CENPP: variants seen among roughly 807,000 people sequenced by gnomAD.
CENPP encodes centromere protein P.
CENPP carries 24 observed loss-of-function variants against 35.6 expected under a neutral mutation model. The ratio of observed to expected loss-of-function variants is 0.67; its 90% CI spans 0.49 to 0.95. The LOEUF is 0.95. CENPP is among the 40% of genes least tolerant of loss of function. CENPP has a pLI of 0.00. For missense variants in CENPP, 332 were observed against 345.3 expected, an observed-to-expected ratio of 0.96 and a Z score of 0.31; for synonymous variants, 120 against 125.5, an observed-to-expected ratio of 0.96 and a Z score of 0.29.
chr9:92,358,172 C>G (rs1176150022), intron 4 of CENPP, among the ~76,000 whole-genome samples: 1 of 135,288 alleles, frequency 7.4e-6, no homozygotes, highest in South Asian at 2.3e-4. Flanking sequence ...TTTTTTTTTT[C>G]TGAGACTCCT....
chr9:92,435,911 A>G lies in CENPP; in HGVS notation c.564+56052A>G, dbSNP rs141383394. Among the ~76,000 whole-genome samples, 38 of 152,284 alleles carry G rather than the reference A, an allele frequency of 2.5e-4. 1 individual carries two copies. In the East Asian group the frequency reaches 5.8e-3, roughly 23 times the overall value. ...TGTGTCAACATGAGTCTTCATTTCT[A>G]TGGGGTACATGCCCAGAGTATAATT... On this transcript the variant is annotated intron_variant, in intron 5 of 7. Coordinates refer to ENST00000375587, the MANE Select transcript of CENPP (RefSeq NM_001012267.3).
rs1339726282 is a variant in CENPP, at chr9:92,389,652, TTATGTATTTTAACTGAGA to T, written c.564+9798_564+9815del. On this transcript the variant is annotated intron_variant, in intron 5 of 7. Transcript: ENST00000375587. ...ATAGTCCCATGAAATAAAATAAAGG[TTATGTATTTTAACTGAGA>T]TATGGGTATAAGCTAGGCTGAATGA... The T allele has an allele frequency of 7.0e-6, 3 of 429,558 alleles. No individual in the cohort carries two copies. In the East Asian group the frequency reaches 1.1e-4, roughly 16 times the overall value. The allele number at this position is 429,558 out of a possible 1,614,324, so 26.6% of individuals were successfully genotyped here. A position where few individuals can be genotyped will look rare whatever the true frequency, so the allele number is the denominator to read the frequency against.
At chr9:92,436,393 A>G (rs1844247021) in intron 5 of CENPP, among the ~76,000 whole-genome samples, 1 of 152,166 alleles carries the variant, frequency 6.6e-6, no homozygotes, top group Admixed American at 6.5e-5. Context: ...ACAGAGCAAA[A>G]GTTTTAAATT....
At chr9:92,468,281 G>A (rs534926508) in intron 5 of CENPP, among the ~76,000 whole-genome samples, 104 of 152,338 alleles carry the variant, frequency 6.8e-4, no homozygotes, top group Non-Finnish European at 1.1e-3. Flanking sequence ...GGTAAGAGCC[G>A]CGCCACATGG....
chr9:92,602,785 A>T (rs1274488939), intron 5 of CENPP, among the ~76,000 whole-genome samples: 1 of 151,098 alleles, frequency 6.6e-6, no homozygotes, highest in Non-Finnish European at 1.5e-5. Flanking sequence ...GCAGCTTCTC[A>T]TTCTCCTCGT....
chr9:92,549,524 G>A (rs745319611), intron 5 of CENPP, among the ~76,000 whole-genome samples: 2 of 152,006 alleles, frequency 1.3e-5, no homozygotes, highest in African/African-American at 2.4e-5. Context: ...GCACACGCCT[G>A]TAGTCCCAGC....
chr9:92,570,823 A>G (rs965289418), intron 5 of CENPP, among the ~76,000 whole-genome samples: 1 of 152,366 alleles, frequency 6.6e-6, no homozygotes, highest in Non-Finnish European at 1.5e-5. Flanking sequence ...GTATGTGTCC[A>G]GGAATTTATC....
intron 5 of CENPP, among the ~76,000 whole-genome samples, chr9:92,556,302 C>T (rs1849722856): frequency 1.3e-5 from 2 of 152,022 alleles, no homozygotes; most frequent in Admixed American, 6.6e-5. Context: ...CATTTTATGG[C>T]CTATCATATG....
chr9:92,336,175 A>G lies in CENPP; in HGVS notation c.290-1366A>G, dbSNP rs190543315. Among the ~76,000 whole-genome samples the G allele has an allele frequency of 5.9e-5, 9 of 151,998 alleles. No individual in the cohort carries two copies. In the East Asian group the frequency reaches 1.2e-3, roughly 20 times the overall value. ...TGTTCTTCAATCTCTTTTTTTTCTGATAGTTTCCTCTTGATGACATTCCTG... is the reference window on the plus strand; with the variant it reads ...TGTTCTTCAATCTCTTTTTTTTCTGGTAGTTTCCTCTTGATGACATTCCTG... On this transcript the variant is annotated intron_variant, in intron 2 of 7. Coordinates refer to ENST00000375587, the MANE Select transcript of CENPP (RefSeq NM_001012267.3).
At chr9:92,410,395 A>G (rs1219862890) in intron 5 of CENPP, among the ~76,000 whole-genome samples, 1 of 152,184 alleles carries the variant, frequency 6.6e-6, no homozygotes, top group African/African-American at 2.4e-5. Context: ...GAGCCAGAGC[A>G]GAGTTGAACT....
chr9:92,586,377 G>A (rs1850541820), intron 5 of CENPP, among the ~76,000 whole-genome samples: 1 of 152,090 alleles, frequency 6.6e-6, no homozygotes, highest in African/African-American at 2.4e-5. Context: ...TACTACCCCT[G>A]CCTGCCTGGG....
intron 5 of CENPP, among the ~76,000 whole-genome samples, chr9:92,383,120 A>G (rs150633187): frequency 0.038 from 5,791 of 151,014 alleles, 157 homozygotes; most frequent in Non-Finnish European, 0.06. Context: ...CTGGTCTCGA[A>G]CTCCTGACCT....
At chr9:92,415,726 C>A (rs1258167011) in intron 5 of CENPP, among the ~76,000 whole-genome samples, 4 of 147,196 alleles carry the variant, frequency 2.7e-5, no homozygotes, top group Non-Finnish European at 6.0e-5. Flanking sequence ...AGAACAATCT[C>A]AAAAAAAAAT....
At chr9:92,511,092 C>G (rs1847307667) in intron 5 of CENPP, among the ~76,000 whole-genome samples, 1 of 152,142 alleles carries the variant, frequency 6.6e-6, no homozygotes, top group Non-Finnish European at 1.5e-5. Flanking sequence ...CCCCTTTTCT[C>G]TTGGCTCTGA....
intron 4 of CENPP, among the ~76,000 whole-genome samples, chr9:92,357,501 A>G (rs867451884): frequency 1.6e-5 from 2 of 121,300 alleles, no homozygotes; most frequent in African/African-American, 3.7e-5. Context: ...TATTATTATT[A>G]TTATTATTTT....
intron 5 of CENPP, among the ~76,000 whole-genome samples, chr9:92,392,492 C>T (rs1255014671): frequency 6.6e-6 from 1 of 151,904 alleles, no homozygotes; most frequent in Non-Finnish European, 1.5e-5. Context: ...TGTGGTGGCA[C>T]ACACCTCAGC....
chr9:92,385,668 T>C (rs754374602), intron 5 of CENPP: 26 of 1,614,076 alleles, frequency 1.6e-5, no homozygotes, highest in Non-Finnish European at 1.9e-5. Flanking sequence ...TAAAACTGTT[T>C]GGATGCTTTC....
chr9:92,415,263 ATC>A, intron 5 of CENPP: 1 of 1,613,730 alleles, frequency 6.2e-7, no homozygotes, highest in Non-Finnish European at 8.5e-7. Flanking sequence ...CATCATCATC[ATC>A]TGGAAATCTC....
chr9:92,338,864 G>A (rs1185618652), intron 3 of CENPP, among the ~76,000 whole-genome samples: 6 of 152,176 alleles, frequency 3.9e-5, no homozygotes, highest in Non-Finnish European at 7.3e-5. Context: ...AGACACAACA[G>A]AGGGAGGAAG....
Sources: allele counts gnomAD v4.1 joint callset (sites outside exome capture counted in the v4.1 genomes callset), GRCh38; gene constraint gnomAD v4.1.1; transcripts MANE v1.5; gene names NCBI Gene and HGNC (gene_info 2026-07-23, HGNC 2026-07-21).